Variants in ARHGDIB observed in about 807,000 individuals in gnomAD.
The protein encoded by ARHGDIB is rho GDP-dissociation inhibitor 2.
Under a neutral mutation model 22.6 loss-of-function variants are expected in ARHGDIB, and 20 were observed. That is an observed-to-expected ratio of 0.88 (90% CI 0.62 to 1.28). The LOEUF is 1.28. Ranked by LOEUF, ARHGDIB falls within the 50% of genes most tolerant of loss-of-function variation. The pLI, the probability that ARHGDIB is intolerant of heterozygous loss-of-function variation, is 0.00. For synonymous variants in ARHGDIB, 114 were observed against 96.1 expected (o/e 1.19, Z -1.09); for missense variants, 254 against 245.4 (o/e 1.04, Z -0.23).
At chr12:14,948,711 T>G (rs1422195413) in intron 3 of ARHGDIB, 1 of 152,176 alleles carries the variant, frequency 6.6e-6, no homozygotes, top group African/African-American at 2.4e-5. Context: ...AGAGACCAAG[T>G]TTTCCTTGCA....
At chr12:14,956,867 T>C (rs2120756354) in intron 1 of ARHGDIB, among the ~76,000 whole-genome samples, 1 of 152,292 alleles carries the variant, frequency 6.6e-6, no homozygotes, top group South Asian at 2.1e-4. Flanking sequence ...ATTAGGATGG[T>C]TACTCACAGC....
At chr12:14,956,960 A>C (rs967288961) in intron 1 of ARHGDIB, among the ~76,000 whole-genome samples, 1 of 152,232 alleles carries the variant, frequency 6.6e-6, no homozygotes, top group African/African-American at 2.4e-5. Flanking sequence ...ATTACACTTA[A>C]AAATTTACAC....
chr12:14,945,426 G>C (rs1014133054), intron 4 of ARHGDIB, among the ~76,000 whole-genome samples: 2 of 152,196 alleles, frequency 1.3e-5, no homozygotes, highest in African/African-American at 2.4e-5. Context: ...ATTTTCAGAC[G>C]TTGTCTGAGA....
In ARHGDIB at chr12:14,947,857, A is replaced by G. The variant is rs1410592079; in HGVS notation, c.342+16T>C. 7.0e-6 allele frequency: 11 copies of G among 1,573,118 alleles called. No homozygotes were observed. Among genetic ancestry groups the G allele is most frequent in the Admixed American group, 5.0e-5 (3 of 59,672 alleles). On this transcript the variant is annotated intron_variant, in intron 4 of 5. Coordinates refer to ENST00000228945, the MANE Select transcript of ARHGDIB (RefSeq NM_001175.7). ...AGATTTAAACTTTACAAAAACACAC[A>G]AGGCAGGATACTTACTTTGAAGTGA...
rs764587718 is a variant in ARHGDIB, at chr12:14,950,705, T to C, written c.8A>G (p.Glu3Gly). ...CTCCACATGTGGCTCTGGGGCTTTT[T>C]CAGTCATTCTGATCTATTTCTGGGA... MT[E>G]KAPEPHVEED... is the part of the protein sequence containing the mutation. Residue 3 changes from glutamate (E) to glycine (G), a missense_variant, in exon 2 of 6, where the codon GAA (glutamate) becomes GGA (glycine). Glu to Gly is a moderately conservative substitution (Grantham distance 98, BLOSUM62 -2). Coordinates refer to ENST00000228945, the MANE Select transcript of ARHGDIB (RefSeq NM_001175.7). 16 of 1,606,504 alleles carry C rather than the reference T, an allele frequency of 1.0e-5. No homozygotes were observed. The South Asian group carries it at 1.7e-4, about 17-fold the overall frequency.
chr12:14,957,474 A>G (rs937779731), intron 1 of ARHGDIB, among the ~76,000 whole-genome samples: 1 of 152,232 alleles, frequency 6.6e-6, no homozygotes, highest in African/African-American at 2.4e-5. Flanking sequence ...TTTGAGGAGT[A>G]TTAAAGAGAT....
At chr12:14,951,308 T>C (rs2120727357) in intron 1 of ARHGDIB, among the ~76,000 whole-genome samples, 1 of 152,346 alleles carries the variant, frequency 6.6e-6, no homozygotes, top group Middle Eastern at 3.4e-3. Context: ...CTCAGGTGCC[T>C]GCATGGTTCA....
Sources: allele counts gnomAD v4.1 joint callset (sites outside exome capture counted in the v4.1 genomes callset), GRCh38; gene constraint gnomAD v4.1.1; transcripts MANE v1.5; gene names NCBI Gene and HGNC (gene_info 2026-07-23, HGNC 2026-07-21).